TCF12: variants seen among roughly 807,000 people sequenced by gnomAD.
The protein encoded by TCF12 is DNA-binding protein HTF4.
A neutral mutation model predicts 86.0 loss-of-function variants in TCF12; 45 were observed. That is an observed-to-expected ratio of 0.52 (90% CI 0.41 to 0.67). TCF12 has a LOEUF of 0.67. Among genes scored for constraint, TCF12 ranks in the 30% least tolerant of loss-of-function variants. TCF12 has a pLI of 0.00. For synonymous variants in TCF12, 330 were observed against 299.6 expected (o/e 1.10, Z -1.05); for missense variants, 881 against 859.9 (o/e 1.02, Z -0.31).
chr15:57,276,238 C>T (rs1354412422), intron 19 of TCF12, among the ~76,000 whole-genome samples: 1 of 152,176 alleles, frequency 6.6e-6, no homozygotes, highest in Non-Finnish European at 1.5e-5. Context: ...TCTGGCTGGT[C>T]CCAGAATCAC....
At chr15:57,238,473 C>T (rs1343255094) in intron 12 of TCF12, among the ~76,000 whole-genome samples, 3 of 152,144 alleles carry the variant, frequency 2.0e-5, no homozygotes, top group African/African-American at 7.2e-5. Context: ...TACATCAACA[C>T]TAATTCCCAG....
rs1045562615 is a variant in TCF12, at chr15:57,233,471, C to T, written c.971-572C>T. ...AGCATTATAGACATGACCCAGCACA[C>T]GTGGCCTCTTTTTTTATTTTTATTC... On this transcript the variant is annotated intron_variant, in intron 11 of 20. Transcript: ENST00000333725. Among the ~76,000 whole-genome samples, 5 of 152,200 alleles carry T rather than the reference C, an allele frequency of 3.3e-5. No homozygotes were observed. In the South Asian group the frequency reaches 1.0e-3, roughly 32 times the overall value.
chr15:57,058,978 TAA>T (rs2068238995), intron 3 of TCF12, among the ~76,000 whole-genome samples: 1 of 152,184 alleles, frequency 6.6e-6, no homozygotes, highest in African/African-American at 2.4e-5. Flanking sequence ...TAGAATTGAA[TAA>T]AGACACTATT....
At chr15:57,090,919 GA>G (rs2048954230) in intron 4 of TCF12, among the ~76,000 whole-genome samples, 1 of 152,152 alleles carries the variant, frequency 6.6e-6, no homozygotes. Context: ...AAAAGTCTGA[GA>G]ACCAGGACAG....
chr15:57,205,083 C>T (rs1385120110), intron 8 of TCF12, among the ~76,000 whole-genome samples: 2 of 151,964 alleles, frequency 1.3e-5, no homozygotes, highest in Non-Finnish European at 2.9e-5. Flanking sequence ...GAGGTGGAGG[C>T]GGGCAGATCA....
At chr15:57,157,376 G>A (rs8039780) in intron 5 of TCF12, among the ~76,000 whole-genome samples, 1,784 of 142,020 alleles carry the variant, frequency 0.013, 39 homozygotes, top group African/African-American at 0.042. Context: ...ACAACATGTG[G>A]TTGGGGAAAT....
At chr15:57,063,703 A>T (rs1447325607) in intron 3 of TCF12, 47 bp from the exon 4 acceptor site, 2 of 1,546,814 alleles carry the variant, frequency 1.3e-6, no homozygotes, top group Non-Finnish European at 1.8e-6. Context: ...AAAAAAATCC[A>T]CAAAAGTATG....
chr15:57,219,015 A>T (rs2058453158), intron 8 of TCF12: 1 of 1,039,526 alleles, frequency 9.6e-7, no homozygotes, highest in Non-Finnish European at 1.2e-6. Context: ...TTACTTGATC[A>T]TGTGTTTATC....
intron 13 of TCF12, among the ~76,000 whole-genome samples, chr15:57,246,485 T>C (rs1042038756): frequency 1.3e-5 from 2 of 152,126 alleles, no homozygotes; most frequent in Non-Finnish European, 2.9e-5. Flanking sequence ...TGCTCTACTT[T>C]GCAGTTCTTC....
chr15:57,231,302 T>C, intron 9 of TCF12, 45 bp downstream of exon 9: 2 of 1,341,524 alleles, frequency 1.5e-6, no homozygotes, highest in Non-Finnish European at 1.1e-6. Context: ...CAGTCATCTG[T>C]ATATCAGCCA....
intron 7 of TCF12, among the ~76,000 whole-genome samples, chr15:57,194,448 A>G (rs942075578): frequency 1.3e-5 from 2 of 152,170 alleles, no homozygotes; most frequent in South Asian, 4.1e-4. Flanking sequence ...AATGTCATTT[A>G]GTGGGTTCTT....
intron 3 of TCF12, among the ~76,000 whole-genome samples, chr15:56,994,126 G>A (rs1379563105): frequency 6.6e-6 from 1 of 152,130 alleles, no homozygotes. Context: ...GTCAATAGCA[G>A]AATGTAATGG....
At chr15:57,185,016 C>G (rs944656661) in intron 6 of TCF12, among the ~76,000 whole-genome samples, 21 of 152,092 alleles carry the variant, frequency 1.4e-4, no homozygotes, top group Non-Finnish European at 4.4e-5. Context: ...TCTTTCTCTC[C>G]CAATGTACCA....
chr15:57,082,701 G>A (rs958930578), intron 4 of TCF12, among the ~76,000 whole-genome samples: 33 of 152,270 alleles, frequency 2.2e-4, no homozygotes, highest in African/African-American at 7.2e-4. Flanking sequence ...CAAGAGATAT[G>A]AGACTTTCCC....
chr15:57,262,051 C>G, intron 16 of TCF12, 43 bp from the exon 17 acceptor site: 9 of 1,353,278 alleles, frequency 6.7e-6, no homozygotes, highest in Non-Finnish European at 9.4e-6. Flanking sequence ...TGCCTCTGAA[C>G]TATCTTAATC....
At chr15:57,173,404 A>G (rs1223551165) in intron 6 of TCF12, among the ~76,000 whole-genome samples, 1 of 152,164 alleles carries the variant, frequency 6.6e-6, no homozygotes, top group Non-Finnish European at 1.5e-5. Flanking sequence ...TACTACAAAT[A>G]AGAGCAGAAA....
chr15:57,278,413 T>C (rs2061501482), intron 19 of TCF12, among the ~76,000 whole-genome samples: 1 of 152,208 alleles, frequency 6.6e-6, no homozygotes, highest in East Asian at 1.9e-4. Flanking sequence ...ATTTGTTAGA[T>C]CTCTTGGAGC....
rs537980093 is a variant in TCF12, at chr15:57,084,619, A to G, written c.223-7170A>G. Among the ~76,000 whole-genome samples, 243 of 152,298 alleles carry G rather than the reference A, an allele frequency of 1.6e-3. 1 individual carries two copies. The highest frequency in any genetic ancestry group is 5.6e-3 in the African/African-American group (233 of 41,570). The stretch of plus-strand genomic sequence containing the variant: ...AGAATTTGCCAATAAGTCAGTTTTA[A>G]GGACCACATTTTTAGTACTGAGGAT... On this transcript the variant is annotated intron_variant, in intron 4 of 20. Transcript: ENST00000333725.
At chr15:57,138,503 C>T (rs1395220288) in intron 5 of TCF12, among the ~76,000 whole-genome samples, 2 of 152,134 alleles carry the variant, frequency 1.3e-5, no homozygotes, top group African/African-American at 4.8e-5. Flanking sequence ...ATGGCTATTC[C>T]AGACAAGTAC....
Sources: allele counts gnomAD v4.1 joint callset (sites outside exome capture counted in the v4.1 genomes callset), GRCh38; gene constraint gnomAD v4.1.1; transcripts MANE v1.5; gene names NCBI Gene and HGNC (gene_info 2026-07-23, HGNC 2026-07-21).